RFX2: variants seen among roughly 807,000 people sequenced by gnomAD.
The protein encoded by RFX2 is regulatory factor X2.
Under a neutral mutation model 87.8 loss-of-function variants are expected in RFX2, and 20 were observed. The ratio of observed to expected loss-of-function variants is 0.23; its 90% confidence interval spans 0.16 to 0.33. The LOEUF is 0.33. RFX2 is among the 10% of genes least tolerant of loss of function. RFX2 has a pLI of 1.00. For synonymous variants in RFX2, 397 were observed against 431.3 expected, an observed-to-expected ratio of 0.92 and a Z score of 0.98; for missense variants, 767 against 1,012.3, an observed-to-expected ratio of 0.76 and a Z score of 3.29.
chr19:6,066,424 A>C, intron 1 of RFX2, among the ~76,000 whole-genome samples: 1 of 152,226 alleles, frequency 6.6e-6, no homozygotes, highest in East Asian at 1.9e-4. Context: ...CATCGTGCTG[A>C]AAAGCGCTCC....
At chr19:5,995,475 G>A (rs2144654339) in intron 17 of RFX2, 126 bp downstream of exon 17, 1 of 914,976 alleles carries the variant, frequency 1.1e-6, no homozygotes, top group Non-Finnish European at 1.7e-6. Flanking sequence ...CAGATCCCAG[G>A]GCCCTCACCC....
rs1340706543 is a variant in RFX2 at position 5,997,101 on chromosome 19, C to T, written c.1972G>A (p.Ala658Thr). Residue 658 changes from alanine to threonine, a missense_variant, in exon 16 of 18, where the codon GCG (alanine) becomes ACG (threonine). By Grantham distance (58) the Ala-to-Thr change is moderately conservative. Transcript: ENST00000303657. This position sits in a 1 kb window ranked among gnomAD's most constrained non-coding sequence, Gnocchi z 4.2. ...YMFYLVEHRV[A>T]EATGETPIAV... Reference sequence around the variant, plus strand: ...ATCGGCGTCTCTCCGGTGGCCTCCGCGACGCGGTGCTCCACCAGGTAGAAC... The same window carrying T: ...ATCGGCGTCTCTCCGGTGGCCTCCGTGACGCGGTGCTCCACCAGGTAGAAC... 4.3e-6 allele frequency: 7 copies of T among 1,613,152 alleles called. No homozygotes were observed. The highest frequency in any genetic ancestry group is 2.2e-5 in the East Asian group (1 of 44,888).
chr19:5,997,199 C>G lies in RFX2; in HGVS notation c.1874G>C (p.Arg625Pro). 1 of 1,611,546 alleles carries G rather than the reference C, an allele frequency of 6.2e-7. No individual in the cohort carries two copies. The highest frequency in any genetic ancestry group is 8.5e-7 in the Non-Finnish European group (1 of 1,179,822). Residue 625 changes from arginine to proline, a missense_variant, in exon 16 of 18, where the codon CGG becomes CCG. Physicochemically the swap from Arg to Pro is moderately radical, Grantham distance 103 (BLOSUM62 -2). This residue lies in a region of RFX2 where 621 missense variants were observed against 873.0 expected (regional missense o/e 0.71). Coordinates refer to ENST00000303657, the MANE Select transcript of RFX2 (RefSeq NM_000635.4). This position sits in a 1 kb window ranked among gnomAD's most constrained non-coding sequence, Gnocchi z 4.2. ...KWSFYSSMVI[R>P]DLTLRSAASF... is the part of the protein sequence containing the mutation. ...GGCAGCGCTGCGCAGGGTCAGGTCC[C>G]GGATCACCATGGAGCTGGGGACAAG...
At chr19:6,085,889 CA>C (rs1433669377) in intron 1 of RFX2, among the ~76,000 whole-genome samples, 1 of 152,004 alleles carries the variant, frequency 6.6e-6, no homozygotes, top group Non-Finnish European at 1.5e-5. Context: ...GCCAGGAGTT[CA>C]AGACCAGCCT....
chr19:6,055,431 GTTTTTGT>G (rs2087323827), intron 1 of RFX2, among the ~76,000 whole-genome samples: 1 of 152,204 alleles, frequency 6.6e-6, no homozygotes, highest in African/African-American at 2.4e-5. Flanking sequence ...TTGTTTGTTG[GTTTTTGT>G]TTTTTGTTTT....
At chr19:6,073,141 G>C (rs957523078) in intron 1 of RFX2, 18 of 440,256 alleles carry the variant, frequency 4.1e-5, no homozygotes, top group East Asian at 2.5e-4. Flanking sequence ...CACCATGCCT[G>C]GCTAGTTTTT....
intron 1 of RFX2, among the ~76,000 whole-genome samples, chr19:6,085,529 T>C (rs1181484624): frequency 6.6e-6 from 1 of 152,258 alleles, no homozygotes. Flanking sequence ...TTATTAGAAA[T>C]GATTTGGAAA....
At chr19:6,034,596 A>G (rs1259630838) in intron 5 of RFX2, among the ~76,000 whole-genome samples, 1 of 152,142 alleles carries the variant, frequency 6.6e-6, no homozygotes, top group Non-Finnish European at 1.5e-5. Context: ...TCCCGGGCTC[A>G]GGTGATCCTC....
rs1267484798 is a variant in RFX2 at position 6,021,738 on chromosome 19, AT to A, written c.597+4424del. On this transcript the variant is annotated intron_variant, in intron 6 of 17. Coordinates refer to ENST00000303657, the MANE Select transcript of RFX2 (RefSeq NM_000635.4). The surrounding 1 kb of genome is among the most constrained non-coding windows in gnomAD (Gnocchi z 5.7). ...CGGGTCCTGCAGGGCCTTGTGGGCC[AT>A]TTTGACAACACTCGGTTCTACTTGG... Among the ~76,000 whole-genome samples the A allele has an allele frequency of 6.6e-6, 1 of 152,212 alleles. No homozygotes were observed. Among genetic ancestry groups the A allele is most frequent in the Non-Finnish European group, 1.5e-5 (1 of 68,032 alleles).
intron 1 of RFX2, among the ~76,000 whole-genome samples, chr19:6,051,122 C>T (rs2087261094): frequency 6.6e-6 from 1 of 152,058 alleles, no homozygotes; most frequent in African/African-American, 2.4e-5. Context: ...TTCTGCCTAC[C>T]ATGAGAAATG....
chr19:6,107,018 G>A (rs778091726), intron 1 of RFX2, among the ~76,000 whole-genome samples: 2 of 151,564 alleles, frequency 1.3e-5, no homozygotes, highest in East Asian at 3.9e-4. Flanking sequence ...GGTGCCGGCC[G>A]GGCGCGGTGG....
At chr19:6,072,722 A>G (rs1261164955) in intron 1 of RFX2, 5 of 434,348 alleles carry the variant, frequency 1.2e-5, no homozygotes, top group South Asian at 6.6e-5. Flanking sequence ...AGAAACATGA[A>G]GTCTTCCTTC....
chr19:6,006,146 G>A (rs1228180163), intron 12 of RFX2, among the ~76,000 whole-genome samples: 1 of 152,146 alleles, frequency 6.6e-6, no homozygotes, highest in African/African-American at 2.4e-5. Flanking sequence ...ACATTCTACG[G>A]CCCACAGCGG....
In RFX2 at chr19:5,997,074, C is replaced by T. The variant is rs763149352; in HGVS notation, c.1999G>A (p.Ala667Thr). The T allele has an allele frequency of 6.2e-6, 10 of 1,611,128 alleles. No individual in the cohort carries two copies. The East Asian group carries it at 8.9e-5, about 14-fold the overall frequency. Residue 667 changes from alanine to threonine, a missense_variant, in exon 16 of 18, where the codon GCT becomes ACT. By Grantham distance (58) the Ala-to-Thr change is moderately conservative. This residue lies in a region of RFX2 where 621 missense variants were observed against 873.0 expected (regional missense o/e 0.71). Transcript: ENST00000303657. This position sits in a 1 kb window ranked among gnomAD's most constrained non-coding sequence, Gnocchi z 4.2. ...AGGGTCCTCACCTCTCCCATCACAG[C>T]GATCGGCGTCTCTCCGGTGGCCTCC... ...VAEATGETPI[A>T]VMGEFNDLAS... is the part of the protein sequence containing the mutation.
Position 6,026,800 on chromosome 19 carries a change from A to G in RFX2, c.523-563T>C, listed in dbSNP as rs1035541938. On this transcript the variant is annotated intron_variant, in intron 5 of 17. Transcript: ENST00000303657. This position sits in a 1 kb window ranked among gnomAD's most constrained non-coding sequence, Gnocchi z 4.5. ...AGGCCGTAGGATCCAGGGCCACTGG[A>G]CACTGTCTGGCGAATGTTTACCCAG... The G allele has an allele frequency of 6.4e-6, 1 of 155,128 alleles. No individual in the cohort carries two copies. Among genetic ancestry groups the G allele is most frequent in the African/African-American group, 2.4e-5 (1 of 41,460 alleles). The allele number at this position is 155,128 out of a possible 1,614,324, so 9.6% of individuals were successfully genotyped here.
In RFX2 at chr19:6,086,954, C is replaced by A. The variant is rs181697881; in HGVS notation, c.-9+23439G>T. On this transcript the variant is annotated intron_variant, in intron 1 of 17. Transcript: ENST00000303657. ...GAGCAGATTTTGAAAGAGATCCAGA[C>A]TGATGAAAGATTAAAAACCACTGGG... is the stretch of plus-strand genomic sequence containing the variant. Among the ~76,000 whole-genome samples, 13 of 152,146 alleles carry A rather than the reference C, an allele frequency of 8.5e-5. No homozygotes were observed. The East Asian group carries it at 2.3e-3, about 27-fold the overall frequency.
intron 5 of RFX2, among the ~76,000 whole-genome samples, chr19:6,035,821 G>A (rs2087013783): frequency 6.6e-6 from 1 of 151,248 alleles, no homozygotes; most frequent in South Asian, 2.1e-4. Flanking sequence ...TCGTATCCAA[G>A]ATGATGACTC....
intron 1 of RFX2, among the ~76,000 whole-genome samples, chr19:6,069,460 T>C (rs1336354031): frequency 6.6e-6 from 1 of 152,132 alleles, no homozygotes; most frequent in Non-Finnish European, 1.5e-5. Flanking sequence ...GTATACAGGA[T>C]GTAGGCTGGA....
Position 6,083,108 on chromosome 19 carries a change from T to A in RFX2, c.-9+27285A>T, listed in dbSNP as rs1157241252. ...TGTTTGTAGAGACGGGGTTTCACCCTGTTGTCCAGGCTGGTCTTGAACTCC... is the reference window on the plus strand; with the variant it reads ...TGTTTGTAGAGACGGGGTTTCACCCAGTTGTCCAGGCTGGTCTTGAACTCC... On this transcript the variant is annotated intron_variant, in intron 1 of 17. Coordinates refer to ENST00000303657, the MANE Select transcript of RFX2 (RefSeq NM_000635.4). This position sits in a 1 kb window ranked among gnomAD's most constrained non-coding sequence, Gnocchi z 4.6. Among the ~76,000 whole-genome samples, 1 of 152,192 alleles carries A rather than the reference T, an allele frequency of 6.6e-6. No individual in the cohort carries two copies. Among genetic ancestry groups the A allele is most frequent in the Non-Finnish European group, 1.5e-5 (1 of 68,032 alleles).
Sources: gnomAD v4.1 joint callset for allele counts (sites outside exome capture counted in the v4.1 genomes callset) on GRCh38, gnomAD v4.1.1 for gene constraint, gnomAD v4.1.1 regional missense constraint, Gnocchi (gnomAD v3.1) non-coding constraint, MANE v1.5 for transcripts, NCBI Gene and HGNC (gene_info 2026-07-23, HGNC 2026-07-21) for gene names.